Variants in FARS2 observed in about 807,000 individuals in gnomAD.
The protein encoded by FARS2 is phenylalanyl-tRNA synthetase 2, mitochondrial, also known as phenylalanine--tRNA ligase, mitochondrial.
FARS2 carries 40 observed loss-of-function variants against 46.4 expected under a neutral mutation model. That is an observed-to-expected ratio of 0.86 (90% CI 0.67 to 1.12). The LOEUF (loss-of-function observed/expected upper bound fraction) is 1.12. Ranked by LOEUF, FARS2 falls within the 50% of genes most tolerant of loss-of-function variation. The pLI, the probability that FARS2 is intolerant of heterozygous loss-of-function variation, is 0.00. For synonymous variants in FARS2, 234 were observed against 214.9 expected (o/e 1.09, Z -0.78); for missense variants, 513 against 567.9 (o/e 0.90, Z 0.98).
chr6:5,482,853 G>A (rs192171372), intron 4 of FARS2, among the ~76,000 whole-genome samples: 225 of 152,294 alleles, frequency 1.5e-3, no homozygotes, highest in Non-Finnish European at 2.4e-3. Flanking sequence ...TGGGAAAATC[G>A]TGCATGTTCT....
chr6:5,676,740 CT>C (rs1252394736), intron 6 of FARS2, among the ~76,000 whole-genome samples: 1 of 152,180 alleles, frequency 6.6e-6, no homozygotes, highest in Non-Finnish European at 1.5e-5. Flanking sequence ...TTAGTGTGTG[CT>C]TTTATTCTAT....
At chr6:5,618,529 C>G (rs1248010731) in intron 6 of FARS2, among the ~76,000 whole-genome samples, 2 of 152,138 alleles carry the variant, frequency 1.3e-5, no homozygotes, top group African/African-American at 4.8e-5. Context: ...ATTTTCTGAA[C>G]AAAAACAGAT....
intron 6 of FARS2, among the ~76,000 whole-genome samples, chr6:5,644,228 TC>T (rs1400142385): frequency 1.3e-5 from 2 of 152,070 alleles, no homozygotes; most frequent in African/African-American, 2.4e-5. Flanking sequence ...GCTTTTTTTT[TC>T]TTTTTTTGAG....
chr6:5,606,774 A>G (rs1055656044), intron 5 of FARS2, among the ~76,000 whole-genome samples: 26 of 152,236 alleles, frequency 1.7e-4, no homozygotes, highest in Admixed American at 3.3e-4. Flanking sequence ...CTGTACACAC[A>G]CTGGGCTGGA....
chr6:5,540,896 A>G (rs1770587471), intron 4 of FARS2, among the ~76,000 whole-genome samples: 1 of 152,220 alleles, frequency 6.6e-6, no homozygotes, highest in African/African-American at 2.4e-5. Flanking sequence ...GATCCGCTAT[A>G]TTATGACAAG....
chr6:5,546,232 C>G (rs1770977379), intron 5 of FARS2, among the ~76,000 whole-genome samples: 1 of 149,276 alleles, frequency 6.7e-6, no homozygotes, highest in Non-Finnish European at 1.5e-5. Flanking sequence ...TATTATTAGT[C>G]TAAGCAGAGA....
rs114761318 is a variant in FARS2 at position 5,333,879 on chromosome 6, A to G, written c.-21-34671A>G. On this transcript the variant is annotated intron_variant, in intron 1 of 6. Transcript: ENST00000274680. ...ATCCCTGTTTGCTTCAGGCTCTCCCAGTGTGACTCATCATTAAATATCCAG... is the reference window on the plus strand; with the variant it reads ...ATCCCTGTTTGCTTCAGGCTCTCCCGGTGTGACTCATCATTAAATATCCAG... Among the ~76,000 whole-genome samples, 323 of 152,280 alleles carry G rather than the reference A, an allele frequency of 2.1e-3. 1 individual carries two copies. The highest frequency in any genetic ancestry group is 7.0e-3 in the African/African-American group (292 of 41,548).
intron 1 of FARS2, among the ~76,000 whole-genome samples, chr6:5,320,755 G>A (rs565140960): frequency 1.0e-3 from 152 of 152,322 alleles, no homozygotes; most frequent in South Asian, 1.7e-3. Flanking sequence ...CATAACATGA[G>A]TGGCTTTTGA....
intron 4 of FARS2, among the ~76,000 whole-genome samples, chr6:5,463,684 T>A (rs1199969234): frequency 7.2e-6 from 1 of 139,460 alleles, no homozygotes; most frequent in Non-Finnish European, 1.5e-5. Context: ...AACAGCATTA[T>A]GAGCAGATTT....
chr6:5,742,205 G>A (rs1485179054), intron 6 of FARS2, among the ~76,000 whole-genome samples: 3 of 152,148 alleles, frequency 2.0e-5, no homozygotes, highest in Admixed American at 6.5e-5. Context: ...ACATGCAGCC[G>A]GCATCTCATG....
intron 4 of FARS2, among the ~76,000 whole-genome samples, chr6:5,532,777 T>TAAGAAGAAGAAGAAGAAGAAGAAGAAG (rs573860204): frequency 1.0e-4 from 15 of 143,460 alleles, no homozygotes; most frequent in African/African-American, 4.2e-4. Flanking sequence ...ATAATAATAA[T>TAAGAAGAAGAAGAAGAAGAAGAAGAAG]AATAATAAGA....
At chr6:5,531,484 G>T (rs959196649) in intron 4 of FARS2, among the ~76,000 whole-genome samples, 5 of 152,164 alleles carry the variant, frequency 3.3e-5, no homozygotes, top group Admixed American at 2.0e-4. Context: ...TGAGATGGTT[G>T]TGAAAGTTTT....
At chr6:5,320,547 G>T (rs1201169439) in intron 1 of FARS2, among the ~76,000 whole-genome samples, 1 of 152,202 alleles carries the variant, frequency 6.6e-6, no homozygotes, top group Non-Finnish European at 1.5e-5. Flanking sequence ...TGACTGGCAT[G>T]AATTTTAACA....
intron 2 of FARS2, among the ~76,000 whole-genome samples, chr6:5,384,615 G>C (rs533534023): frequency 6.6e-6 from 1 of 152,184 alleles, no homozygotes; most frequent in Admixed American, 6.5e-5. Context: ...GCTTAAGTAG[G>C]GGGAGATATG....
chr6:5,398,918 A>G (rs1413280748), intron 2 of FARS2, among the ~76,000 whole-genome samples: 3 of 152,076 alleles, frequency 2.0e-5, no homozygotes, highest in Admixed American at 2.0e-4. Context: ...TGTGGAAAAA[A>G]TTTGCTAACT....
At chr6:5,744,664 C>G (rs1013145961) in intron 6 of FARS2, among the ~76,000 whole-genome samples, 3 of 152,046 alleles carry the variant, frequency 2.0e-5, no homozygotes, top group African/African-American at 7.3e-5. Flanking sequence ...CACTCTGGCT[C>G]TGCCCTTGAG....
intron 4 of FARS2, among the ~76,000 whole-genome samples, chr6:5,492,182 G>A (rs765755565): frequency 7.9e-5 from 12 of 152,196 alleles, no homozygotes; most frequent in Non-Finnish European, 1.3e-4. Context: ...AGTAGTAGTA[G>A]TTTAAGTTTC....
At chr6:5,297,504 C>T (rs1002041069) in intron 1 of FARS2, among the ~76,000 whole-genome samples, 9 of 151,982 alleles carry the variant, frequency 5.9e-5, no homozygotes, top group South Asian at 2.1e-4. Flanking sequence ...GAAAATTAGC[C>T]GGCTGTGGTG....
intron 6 of FARS2, among the ~76,000 whole-genome samples, chr6:5,707,478 C>G (rs1758831769): frequency 6.6e-6 from 1 of 152,146 alleles, no homozygotes; most frequent in African/African-American, 2.4e-5. Context: ...TCCTTACAGC[C>G]CAGGCCCACA....
Sources: gnomAD v4.1 joint callset for allele counts (sites outside exome capture counted in the v4.1 genomes callset) on GRCh38, gnomAD v4.1.1 for gene constraint, MANE v1.5 for transcripts, NCBI Gene and HGNC (gene_info 2026-07-23, HGNC 2026-07-21) for gene names.